The following TMTC3 variants were observed in gnomAD, a reference collection of about 807,000 sequenced individuals.
TMTC3 encodes the protein transmembrane O-mannosyltransferase targeting cadherins 3, also known as protein O-mannosyl-transferase TMTC3.
A neutral mutation model predicts 92.2 loss-of-function variants in TMTC3; 52 were observed. The observed-to-expected ratio is 0.56, with a 90% CI of 0.45 to 0.71. TMTC3 has a LOEUF of 0.71. TMTC3 is among the 30% of genes least tolerant of loss of function. TMTC3 has a pLI of 0.00. For synonymous variants in TMTC3, 339 were observed against 363.3 expected, an observed-to-expected ratio of 0.93 and a Z score of 0.76; for missense variants, 896 against 1,057.1, an observed-to-expected ratio of 0.85 and a Z score of 2.11.
At chr12:88,187,167 T>TAAAAA (rs71448730) in intron 10 of TMTC3, among the ~76,000 whole-genome samples, 1 of 126,366 alleles carries the variant, frequency 7.9e-6, no homozygotes, top group African/African-American at 3.5e-5. Context: ...ATTTATCTGG[T>TAAAAA]AAAAAAAAAA....
intron 6 of TMTC3, among the ~76,000 whole-genome samples, chr12:88,165,448 A>C (rs2041132951): frequency 6.6e-6 from 1 of 152,108 alleles, no homozygotes; most frequent in Non-Finnish European, 1.5e-5. Context: ...ATTCCGTATG[A>C]AAATTTTGAA....
At chr12:88,155,509 T>C (rs2040996634) in intron 4 of TMTC3, among the ~76,000 whole-genome samples, 1 of 152,208 alleles carries the variant, frequency 6.6e-6, no homozygotes, top group African/African-American at 2.4e-5. Flanking sequence ...ATTCTTGCCC[T>C]AGCTGTCTTC....
In TMTC3 at chr12:88,198,774, A is replaced by G. The variant is rs1261559205; in HGVS notation, c.*3125A>G. On this transcript the variant is annotated 3_prime_UTR_variant, in exon 14 of 14. Coordinates refer to ENST00000266712, the MANE Select transcript of TMTC3 (RefSeq NM_181783.4). ...AATATATAGATTTGTATGTCAGTTT[A>G]TACTTCAGAAATCCATATATTTGTC... 1 of 174,192 alleles carries G rather than the reference A, an allele frequency of 5.7e-6. No homozygotes were observed. The highest frequency in any genetic ancestry group is 6.3e-5 in the Admixed American group (1 of 15,950). The allele number at this position is 174,192 out of a possible 1,614,324, so 10.8% of individuals were successfully genotyped here.
At chr12:88,164,189 C>CAAAA (rs1008391943) in intron 6 of TMTC3, among the ~76,000 whole-genome samples, 9 of 48,754 alleles carry the variant, frequency 1.8e-4, no homozygotes, top group African/African-American at 3.0e-4. Flanking sequence ...GACTTTGTCT[C>CAAAA]AAAAAAAAAA....
At position 88,174,745 on chromosome 12, in the gene TMTC3, A is replaced by G; in HGVS notation, c.1320+18A>G. ...CCTTGAAGGTAAAGTGTTGTTCAGA[A>G]TGACAGGAAAGTATGTCATCAGTGA... On this transcript the variant is annotated intron_variant, in intron 9 of 13. Coordinates refer to ENST00000266712, the MANE Select transcript of TMTC3 (RefSeq NM_181783.4). 6.2e-7 allele frequency: 1 copy of G among 1,610,508 alleles called. No homozygotes were observed. The highest frequency in any genetic ancestry group is 8.5e-7 in the Non-Finnish European group (1 of 1,178,314).
chr12:88,157,670 A>G (rs1257536543), intron 4 of TMTC3, among the ~76,000 whole-genome samples: 1 of 152,086 alleles, frequency 6.6e-6, no homozygotes, highest in Non-Finnish European at 1.5e-5. Flanking sequence ...TGAATAAGTG[A>G]TTGCTGAAGA....
chr12:88,193,055 C>T (rs1208261677), intron 13 of TMTC3, among the ~76,000 whole-genome samples: 1 of 151,996 alleles, frequency 6.6e-6, no homozygotes, highest in Non-Finnish European at 1.5e-5. Flanking sequence ...ATTCTTCTGG[C>T]ATGTGTTAAG....
intron 4 of TMTC3, among the ~76,000 whole-genome samples, chr12:88,158,611 A>G (rs2041037716): frequency 1.3e-5 from 2 of 151,970 alleles, no homozygotes; most frequent in African/African-American, 4.8e-5. Context: ...TTTAGTCTAC[A>G]GAGTACTTTG....
chr12:88,186,851 G>A (rs2041383356), intron 10 of TMTC3, among the ~76,000 whole-genome samples: 1 of 151,874 alleles, frequency 6.6e-6, no homozygotes, highest in Admixed American at 6.6e-5. Flanking sequence ...TGAAAACATA[G>A]GGCTGCTATA....
At chr12:88,164,592 A>G (rs1388491175) in intron 6 of TMTC3, among the ~76,000 whole-genome samples, 1 of 152,208 alleles carries the variant, frequency 6.6e-6, no homozygotes, top group Non-Finnish European at 1.5e-5. Flanking sequence ...AAGTCTGCAT[A>G]TCATATTTAT....
chr12:88,153,129 CTG>C (rs1417667315), intron 2 of TMTC3, among the ~76,000 whole-genome samples, 160 bp from the exon 3 acceptor site: 1 of 152,040 alleles, frequency 6.6e-6, no homozygotes, highest in Non-Finnish European at 1.5e-5. Context: ...GATTATAAAA[CTG>C]TATTTTATTT....
chr12:88,173,081 C>T (rs2041222978), intron 8 of TMTC3: 1 of 1,291,060 alleles, frequency 7.7e-7, no homozygotes, highest in Non-Finnish European at 1.0e-6. Flanking sequence ...TAATAGTCAT[C>T]CTACTTAAGT....
At chr12:88,159,837 C>T (rs1242277915) in intron 4 of TMTC3, among the ~76,000 whole-genome samples, 2 of 152,036 alleles carry the variant, frequency 1.3e-5, no homozygotes, top group Non-Finnish European at 2.9e-5. Context: ...AATTTCTCTT[C>T]TCCAAATTCA....
intron 1 of TMTC3, among the ~76,000 whole-genome samples, chr12:88,143,219 C>T (rs572902177): frequency 6.6e-6 from 1 of 150,746 alleles, no homozygotes; most frequent in African/African-American, 2.4e-5. Flanking sequence ...GTAAATTTTC[C>T]TTTCGAAAAT....
chr12:88,142,698 A>C (rs2040758556), intron 1 of TMTC3, among the ~76,000 whole-genome samples: 1 of 152,228 alleles, frequency 6.6e-6, no homozygotes, highest in Non-Finnish European at 1.5e-5. Context: ...GTTTAGTATC[A>C]GAATCTGTCT....
At chr12:88,152,635 A>G (rs956484078) in intron 2 of TMTC3, among the ~76,000 whole-genome samples, 1 of 152,204 alleles carries the variant, frequency 6.6e-6, no homozygotes, top group African/African-American at 2.4e-5. Context: ...CTTATAATTT[A>G]AAAAGAGATT....
chr12:88,180,206 A>G (rs1201423873), intron 10 of TMTC3, among the ~76,000 whole-genome samples: 1 of 152,182 alleles, frequency 6.6e-6, no homozygotes, highest in African/African-American at 2.4e-5. Context: ...TTAGTAAATA[A>G]CATAAGACAA....
In TMTC3 at chr12:88,197,291, T is replaced by G. The variant is rs962642676; in HGVS notation, c.*1642T>G. On this transcript the variant is annotated 3_prime_UTR_variant, in exon 14 of 14. Coordinates refer to ENST00000266712, the MANE Select transcript of TMTC3 (RefSeq NM_181783.4). ...TTTTTTTTTTTTTTTTTTTAGGTAGTTTAAAGCAAGCACTGATACCAGTGG... is the reference window on the plus strand; with the variant it reads ...TTTTTTTTTTTTTTTTTTTAGGTAGGTTAAAGCAAGCACTGATACCAGTGG... 5 of 148,084 alleles carry G rather than the reference T, an allele frequency of 3.4e-5. No homozygotes were observed. The highest frequency in any genetic ancestry group is 6.0e-5 in the Non-Finnish European group (4 of 66,782). 9.2% of individuals were successfully genotyped at this position (148,084 alleles called of 1,614,324 possible).
chr12:88,191,829 C>T (rs1466515965), intron 12 of TMTC3, among the ~76,000 whole-genome samples: 1 of 151,944 alleles, frequency 6.6e-6, no homozygotes, highest in Non-Finnish European at 1.5e-5. Context: ...TGTTCCTCAG[C>T]CTCACTATTA....
Sources: gnomAD v4.1 joint callset for allele counts (sites outside exome capture counted in the v4.1 genomes callset) on GRCh38, gnomAD v4.1.1 for gene constraint, MANE v1.5 for transcripts, NCBI Gene and HGNC (gene_info 2026-07-23, HGNC 2026-07-21) for gene names.